Variants in CACNA2D3 observed in about 807,000 individuals in gnomAD.
CACNA2D3 encodes voltage-dependent calcium channel subunit alpha-2/delta-3.
Under a neutral mutation model 160.6 loss-of-function variants are expected in CACNA2D3, and 60 were observed. The observed-to-expected ratio is 0.37, with a 90% CI of 0.30 to 0.46. The LOEUF (loss-of-function observed/expected upper bound fraction) is 0.46, where lower values mean the gene tolerates loss of function less well. Ranked by LOEUF, CACNA2D3 falls within the 20% of genes least tolerant of loss-of-function variation. CACNA2D3 has a pLI of 1.00. For synonymous variants in CACNA2D3, 558 were observed against 492.9 expected (o/e 1.13, Z -1.75); for missense variants, 1,205 against 1,365.0 (o/e 0.88, Z 1.85).
chr3:54,568,334 C>T (rs769780033), intron 6 of CACNA2D3, among the ~76,000 whole-genome samples: 3 of 152,178 alleles, frequency 2.0e-5, no homozygotes, highest in Admixed American at 1.3e-4. Context: ...TAGGGATTTA[C>T]GTACATTCTG....
chr3:54,144,423 G>A (rs1167595973), intron 2 of CACNA2D3, among the ~76,000 whole-genome samples: 2 of 152,230 alleles, frequency 1.3e-5, no homozygotes, highest in Non-Finnish European at 2.9e-5. Flanking sequence ...TGCCAAGGGT[G>A]TGAACTTCAT....
chr3:54,923,496 C>T (rs73845059), intron 27 of CACNA2D3, among the ~76,000 whole-genome samples: 2,275 of 152,298 alleles, frequency 0.015, 56 homozygotes, highest in African/African-American at 0.05. Flanking sequence ...CTATCACTCT[C>T]CCCTTCCCCT....
intron 2 of CACNA2D3, among the ~76,000 whole-genome samples, chr3:54,242,316 G>A (rs1055746635): frequency 1.3e-5 from 2 of 152,054 alleles, no homozygotes; most frequent in African/African-American, 2.4e-5. Context: ...GGTGGTGGAC[G>A]TCTGTAATCC....
At chr3:54,823,035 A>G (rs542344706) in intron 14 of CACNA2D3, among the ~76,000 whole-genome samples, 113 of 151,662 alleles carry the variant, frequency 7.5e-4, no homozygotes, top group African/African-American at 2.6e-3. Context: ...TTGTATTTTT[A>G]GTAGAGACAG....
chr3:54,152,661 C>T (rs952599827), intron 2 of CACNA2D3, among the ~76,000 whole-genome samples: 2 of 152,156 alleles, frequency 1.3e-5, no homozygotes, highest in African/African-American at 4.8e-5. Flanking sequence ...ATGCAATTGT[C>T]CTGTCTTCCC....
At chr3:55,025,359 C>T (rs750454331) in intron 35 of CACNA2D3, among the ~76,000 whole-genome samples, 12 of 152,044 alleles carry the variant, frequency 7.9e-5, no homozygotes, top group Admixed American at 2.6e-4. Context: ...AGGCTGGGCG[C>T]GGTGGCTCAC....
intron 35 of CACNA2D3, among the ~76,000 whole-genome samples, chr3:55,058,161 A>G (rs1704412360): frequency 6.6e-6 from 1 of 152,220 alleles, no homozygotes; most frequent in African/African-American, 2.4e-5. Context: ...GGACAGTTGA[A>G]TAGGGGTGGG....
intron 2 of CACNA2D3, among the ~76,000 whole-genome samples, chr3:54,224,472 G>A (rs1701633317): frequency 6.6e-6 from 1 of 152,068 alleles, no homozygotes; most frequent in South Asian, 2.1e-4. Flanking sequence ...ACCACAGACG[G>A]GTGAGTAACG....
At chr3:54,997,184 A>T (rs184773125) in intron 31 of CACNA2D3, among the ~76,000 whole-genome samples, 15 of 152,288 alleles carry the variant, frequency 9.8e-5, no homozygotes, top group African/African-American at 2.9e-4. Context: ...AACAAAAAAT[A>T]AAATAAATAA....
intron 17 of CACNA2D3, among the ~76,000 whole-genome samples, chr3:54,852,361 C>G (rs1699078057): frequency 6.6e-6 from 1 of 152,246 alleles, no homozygotes; most frequent in African/African-American, 2.4e-5. Context: ...AGTAGCCACA[C>G]TAGGTGAACC....
intron 11 of CACNA2D3, among the ~76,000 whole-genome samples, chr3:54,657,888 G>T (rs568361020): frequency 6.6e-6 from 1 of 152,076 alleles, no homozygotes; most frequent in East Asian, 1.9e-4. Context: ...AATTAGCCTG[G>T]CATGGTGGCA....
At chr3:54,227,417 A>G (rs1701693168) in intron 2 of CACNA2D3, among the ~76,000 whole-genome samples, 1 of 152,170 alleles carries the variant, frequency 6.6e-6, no homozygotes, top group South Asian at 2.1e-4. Context: ...ACTTAGGGAC[A>G]GAAAAAAAAA....
intron 2 of CACNA2D3, among the ~76,000 whole-genome samples, chr3:54,207,348 A>G (rs1248057942): frequency 6.6e-6 from 1 of 150,802 alleles, no homozygotes. Context: ...TCACACAGCT[A>G]GCAAGTGGCA....
Position 54,384,779 on chromosome 3 carries a change from G to C in CACNA2D3, c.322-1936G>C, listed in dbSNP as rs368092653. ...CTGTCGCCCAGGCTGGAATGCAGTG[G>C]TGTGATCTCGGCTCACTGCAGCCTC... On this transcript the variant is annotated intron_variant, in intron 3 of 37. Transcript: ENST00000474759. Among the ~76,000 whole-genome samples the C allele has an allele frequency of 6.6e-5, 10 of 152,306 alleles. No homozygotes were observed. The East Asian group carries it at 9.6e-4, about 15-fold the overall frequency.
intron 29 of CACNA2D3, among the ~76,000 whole-genome samples, chr3:54,979,524 A>T (rs1285827803): frequency 6.6e-6 from 1 of 152,268 alleles, no homozygotes; most frequent in African/African-American, 2.4e-5. Context: ...TAGTTTACTC[A>T]ATTGTTAAAA....
intron 2 of CACNA2D3, among the ~76,000 whole-genome samples, chr3:54,251,662 C>T (rs981014750): frequency 2.6e-5 from 4 of 152,218 alleles, no homozygotes; most frequent in South Asian, 4.1e-4. Context: ...TTTCACAAAT[C>T]GTGTAACTTC....
intron 2 of CACNA2D3, among the ~76,000 whole-genome samples, chr3:54,282,164 G>GA (rs952169493): frequency 1.4e-4 from 21 of 152,010 alleles, no homozygotes; most frequent in Non-Finnish European, 7.4e-5. Flanking sequence ...TGAACGCTGA[G>GA]AAAAAAAATA....
intron 13 of CACNA2D3, among the ~76,000 whole-genome samples, chr3:54,809,119 T>C (rs1331763248): frequency 6.6e-6 from 1 of 151,988 alleles, no homozygotes; most frequent in East Asian, 1.9e-4. Context: ...TACTAAGTGG[T>C]AGAGGTAGTA....
intron 9 of CACNA2D3, among the ~76,000 whole-genome samples, chr3:54,621,732 A>G (rs6798055): frequency 0.031 from 4,685 of 152,272 alleles, 245 homozygotes; most frequent in African/African-American, 0.11. Context: ...GAAGTCAGCT[A>G]CGTGTCTCTA....
Sources: allele counts gnomAD v4.1 joint callset (sites outside exome capture counted in the v4.1 genomes callset), GRCh38; gene constraint gnomAD v4.1.1; transcripts MANE v1.5; gene names NCBI Gene and HGNC (gene_info 2026-07-23, HGNC 2026-07-21).